ESRRB: variants seen among roughly 807,000 people sequenced by gnomAD.
The protein encoded by ESRRB is estrogen related receptor beta.
ESRRB carries 16 observed loss-of-function variants against 46.0 expected under a neutral mutation model. The ratio of observed to expected loss-of-function variants is 0.35; its 90% CI spans 0.24 to 0.53. The LOEUF is 0.53. ESRRB is among the 20% of genes least tolerant of loss of function. The probability of loss-of-function intolerance (pLI) is 0.93; values close to 1 mark genes in which losing one functional copy is unlikely to be tolerated. For synonymous variants in ESRRB, 246 were observed against 259.6 expected, an observed-to-expected ratio of 0.95 and a Z score of 0.50; for missense variants, 488 against 607.4, an observed-to-expected ratio of 0.80 and a Z score of 2.07.
chr14:76,322,347 C>G (rs778749228), intron 1 of ESRRB, among the ~76,000 whole-genome samples: 17 of 152,170 alleles, frequency 1.1e-4, no homozygotes, highest in South Asian at 2.1e-4. Context: ...AGCCGGGAAC[C>G]ATGTTGGAGA....
Position 76,475,009 on chromosome 14 carries a change from G to A in ESRRB, c.578-7007G>A, listed in dbSNP as rs1204824486. On this transcript the variant is annotated intron_variant, in intron 3 of 6. Transcript: ENST00000644823. ...TTTGGGAGGCTGAGGCAGAAGGATC[G>A]CTTGAGGTCAGGAGTTCGAGACCAG... is the stretch of plus-strand genomic sequence containing the variant. 4.6e-5 allele frequency among the ~76,000 whole-genome samples: 7 copies of A among 151,218 alleles called. No individual in the cohort carries two copies. The East Asian group carries it at 7.8e-4, about 17-fold the overall frequency.
intron 3 of ESRRB, among the ~76,000 whole-genome samples, chr14:76,465,199 C>A (rs1889054767): frequency 6.6e-6 from 1 of 151,926 alleles, no homozygotes; most frequent in Non-Finnish European, 1.5e-5. Flanking sequence ...CTCAGTCACA[C>A]ATTCATCTGA....
intron 1 of ESRRB, among the ~76,000 whole-genome samples, chr14:76,426,669 C>G (rs1387972930): frequency 6.6e-6 from 1 of 152,096 alleles, no homozygotes; most frequent in African/African-American, 2.4e-5. Context: ...GACAGGGACC[C>G]ATTCACCTTG....
At chr14:76,374,612 A>G, upstream of ESRRB, among the ~76,000 whole-genome samples, 1 of 152,062 alleles carries the variant, frequency 6.6e-6, no homozygotes, top group Non-Finnish European at 1.5e-5. Context: ...ATGCCGAAAA[A>G]CCAGTCACTG....
At chr14:76,412,260 A>G (rs950561078) in intron 1 of ESRRB, among the ~76,000 whole-genome samples, 5 of 152,214 alleles carry the variant, frequency 3.3e-5, no homozygotes, top group Non-Finnish European at 7.3e-5. Flanking sequence ...GGTTTGGGGC[A>G]TGCTCCTGGG....
intron 1 of ESRRB, among the ~76,000 whole-genome samples, chr14:76,390,685 A>G (rs141325175): frequency 6.6e-6 from 1 of 152,270 alleles, no homozygotes; most frequent in African/African-American, 2.4e-5. Context: ...CTAGAGCATA[A>G]GGTTCATGTC....
chr14:76,404,143 A>G (rs1182519097), intron 1 of ESRRB, among the ~76,000 whole-genome samples: 1 of 152,108 alleles, frequency 6.6e-6, no homozygotes, highest in East Asian at 1.9e-4. Context: ...CTATTTTTGC[A>G]TTAGGGTGTT....
At chr14:76,429,847 T>TTATGTGTGTG (rs1887362849) in intron 1 of ESRRB, among the ~76,000 whole-genome samples, 1 of 149,872 alleles carries the variant, frequency 6.7e-6, no homozygotes, top group Non-Finnish European at 1.5e-5. Flanking sequence ...AGTTTAAGTT[T>TTATGTGTGTG]TATGTGTGTG....
intron 1 of ESRRB, among the ~76,000 whole-genome samples, chr14:76,314,945 A>G (rs1883780712): frequency 6.6e-6 from 1 of 152,078 alleles, no homozygotes; most frequent in Admixed American, 6.6e-5. Context: ...CTGTGAACAC[A>G]CATCCTTTTT....
At chr14:76,451,769 T>A (rs1464918925) in intron 2 of ESRRB, among the ~76,000 whole-genome samples, 1 of 148,752 alleles carries the variant, frequency 6.7e-6, no homozygotes, top group Non-Finnish European at 1.5e-5. Context: ...ATTACAGGTG[T>A]GGGCCACCAT....
chr14:76,386,127 G>A (rs929816252), intron 1 of ESRRB, among the ~76,000 whole-genome samples: 4 of 151,498 alleles, frequency 2.6e-5, no homozygotes, highest in Non-Finnish European at 4.4e-5. Context: ...AATATGGCTC[G>A]CGTGTCAATA....
rs76932506 is a variant in ESRRB at position 76,467,922 on chromosome 14, C to G, written c.577+5261C>G. On this transcript the variant is annotated intron_variant, in intron 3 of 6. Coordinates refer to ENST00000644823, the MANE Select transcript of ESRRB (RefSeq NM_001379180.1). ...CTCCCAAGCCCGCTCCATTTCTCCC[C>G]CACTCAGCCCCTGCCTGCCTTTCCC... is the stretch of plus-strand genomic sequence containing the variant. 7.8e-3 allele frequency among the ~76,000 whole-genome samples: 1,182 copies of G among 152,258 alleles called. 15 individuals are homozygous for G. Among genetic ancestry groups the G allele is most frequent in the African/African-American group, 0.027 (1,126 of 41,560 alleles).
intron 6 of ESRRB, among the ~76,000 whole-genome samples, chr14:76,493,842 T>C (rs768860609): frequency 9.2e-5 from 14 of 152,184 alleles, no homozygotes; most frequent in Non-Finnish European, 2.1e-4. Context: ...AGTTCAGAGG[T>C]ACCCCTTTGC....
intron 1 of ESRRB, among the ~76,000 whole-genome samples, chr14:76,397,589 T>G (rs1885746082): frequency 6.6e-6 from 1 of 152,134 alleles, no homozygotes; most frequent in East Asian, 1.9e-4. Context: ...TGGACAAAAT[T>G]TGGGCAAAAA....
chr14:76,374,887 T>C (rs149478702), upstream of ESRRB, among the ~76,000 whole-genome samples: 1,329 of 152,150 alleles, frequency 8.7e-3, 23 homozygotes, highest in African/African-American at 0.03. Context: ...AGCACATTTA[T>C]CCAAGTCAAA....
intron 1 of ESRRB, among the ~76,000 whole-genome samples, chr14:76,333,121 A>G (rs1315050055): frequency 1.3e-4 from 1 of 7,788 alleles, no homozygotes; most frequent in African/African-American, 4.9e-4. Context: ...AATATATAAT[A>G]TATATATTAT....
At chr14:76,379,728 C>A (rs1202974049) in intron 1 of ESRRB, among the ~76,000 whole-genome samples, 1 of 152,150 alleles carries the variant, frequency 6.6e-6, no homozygotes, top group Non-Finnish European at 1.5e-5. Context: ...GGGTAAGGCC[C>A]TTTCCAGCTC....
chr14:76,461,569 C>T (rs1049410208), intron 2 of ESRRB, among the ~76,000 whole-genome samples: 3 of 152,094 alleles, frequency 2.0e-5, no homozygotes, highest in Non-Finnish European at 1.5e-5. Context: ...AGTGAAGTGG[C>T]GTGATCTCGG....
At chr14:76,446,289 A>C (rs758489620) in intron 2 of ESRRB, among the ~76,000 whole-genome samples, 8 of 151,506 alleles carry the variant, frequency 5.3e-5, no homozygotes, top group Non-Finnish European at 1.2e-4. Flanking sequence ...CCTATAATCA[A>C]CTCCTAGTAG....
Sources: gnomAD v4.1 joint callset for allele counts (sites outside exome capture counted in the v4.1 genomes callset) on GRCh38, gnomAD v4.1.1 for gene constraint, MANE v1.5 for transcripts, NCBI Gene and HGNC (gene_info 2026-07-23, HGNC 2026-07-21) for gene names.